Variants in SEC24D observed in about 807,000 individuals in gnomAD.
SEC24D encodes SEC24 homolog D, COPII component.
SEC24D carries 69 observed loss-of-function variants against 116.9 expected under a neutral mutation model. The ratio of observed to expected loss-of-function variants is 0.59; its 90% CI spans 0.49 to 0.72. SEC24D has a LOEUF of 0.72. SEC24D is among the 30% of genes least tolerant of loss of function. The pLI is 0.00. For missense variants in SEC24D, 1,131 were observed against 1,264.1 expected (o/e 0.89, Z 1.60); for synonymous variants, 405 against 442.8 (o/e 0.91, Z 1.07).
At chr4:118,769,423 G>C (rs762498275) in intron 8 of SEC24D, among the ~76,000 whole-genome samples, 12 of 152,122 alleles carry the variant, frequency 7.9e-5, no homozygotes, top group Non-Finnish European at 1.3e-4. Context: ...TTAAAGAAAA[G>C]CTTGAGAATT....
intron 22 of SEC24D, among the ~76,000 whole-genome samples, chr4:118,726,022 T>C (rs529199256): frequency 1.9e-4 from 29 of 152,326 alleles, no homozygotes; most frequent in African/African-American, 6.3e-4. Flanking sequence ...TAATCACTGC[T>C]TGTCACCTCC....
At chr4:118,817,450 C>T (rs1730200812) in intron 3 of SEC24D, 38 bp from the exon 4 acceptor site, 9 of 1,568,732 alleles carry the variant, frequency 5.7e-6, no homozygotes, top group Non-Finnish European at 7.8e-6. Context: ...AATATCACAG[C>T]GTCTCAAGCA....
At chr4:118,819,764 G>A (rs768315570) in intron 3 of SEC24D, among the ~76,000 whole-genome samples, 10 of 152,186 alleles carry the variant, frequency 6.6e-5, no homozygotes, top group South Asian at 2.1e-4. Flanking sequence ...ATACAGTTCT[G>A]TGAATCATTT....
intron 7 of SEC24D, among the ~76,000 whole-genome samples, chr4:118,803,372 G>A (rs1041129365): frequency 2.0e-5 from 3 of 152,048 alleles, no homozygotes; most frequent in African/African-American, 4.8e-5. Context: ...TCCCACTACC[G>A]TACTTCAGCA....
In SEC24D at chr4:118,817,336, G is replaced by A; in HGVS notation, c.325C>T (p.Pro109Ser). 1 of 1,613,960 alleles carries A rather than the reference G, an allele frequency of 6.2e-7. No homozygotes were observed. Among genetic ancestry groups the A allele is most frequent in the South Asian group, 1.1e-5 (1 of 91,062 alleles). The change falls in exon 4 of 23, where the codon CCA (proline) becomes TCA (serine). Residue 109 changes from proline (P) to serine (S), a missense_variant. Transcript: ENST00000280551. ...PYQPSAQSSY[P>S]GPISTSSVTQ... is the part of the protein sequence containing the mutation. The stretch of plus-strand genomic sequence containing the variant: ...ACAGATGAAGTGGATATAGGACCTG[G>A]ATAAGAAGATTGTGCAGAGGGTTGG...
chr4:118,727,157 T>C (rs1725458455), intron 22 of SEC24D, among the ~76,000 whole-genome samples: 1 of 152,204 alleles, frequency 6.6e-6, no homozygotes, highest in Non-Finnish European at 1.5e-5. Context: ...TCTCCCAGAT[T>C]CCTTTCAACT....
chr4:118,767,149 G>A (rs1439653670), intron 9 of SEC24D, among the ~76,000 whole-genome samples: 1 of 152,196 alleles, frequency 6.6e-6, no homozygotes. Flanking sequence ...AGAAGCACTC[G>A]CAAGGCCAGT....
intron 2 of SEC24D, among the ~76,000 whole-genome samples, chr4:118,826,320 T>C (rs1730590241): frequency 6.6e-6 from 1 of 152,174 alleles, no homozygotes; most frequent in African/African-American, 2.4e-5. Flanking sequence ...TGTAATCCCA[T>C]GTCATGGCAA....
intron 21 of SEC24D, chr4:118,729,693 A>G (rs1443484826): frequency 2.0e-5 from 3 of 152,216 alleles, no homozygotes; most frequent in Non-Finnish European, 4.4e-5. Context: ...GTTAAGACAG[A>G]GTAAAATGCT....
At chr4:118,800,331 C>T (rs1028852230) in intron 7 of SEC24D, among the ~76,000 whole-genome samples, 3 of 152,026 alleles carry the variant, frequency 2.0e-5, no homozygotes, top group South Asian at 2.1e-4. Context: ...GCGATTGTGG[C>T]GGGGTTGTGA....
At chr4:118,730,844 AT>A (rs1237792957) in intron 21 of SEC24D, 1 of 156,940 alleles carries the variant, frequency 6.4e-6, no homozygotes, top group Non-Finnish European at 1.4e-5. Context: ...CTTATGAAAG[AT>A]TTCTACATTC....
intron 11 of SEC24D, among the ~76,000 whole-genome samples, chr4:118,754,477 C>T (rs1056068137): frequency 1.3e-5 from 2 of 152,094 alleles, no homozygotes; most frequent in African/African-American, 4.8e-5. Flanking sequence ...TCTCATTGGG[C>T]TCTTAGCATA....
chr4:118,731,534 G>A, intron 20 of SEC24D, 27 bp from the exon 21 acceptor site: 1 of 1,595,952 alleles, frequency 6.3e-7, no homozygotes, highest in East Asian at 2.2e-5. Flanking sequence ...AAAAGAGTTA[G>A]AAACTCCTTT....
At chr4:118,761,765 G>A (rs1386595516) in intron 10 of SEC24D, among the ~76,000 whole-genome samples, 1 of 152,184 alleles carries the variant, frequency 6.6e-6, no homozygotes, top group Admixed American at 6.5e-5. Context: ...TTGTCAATAA[G>A]TTTGTGAAAC....
At position 118,723,666 on chromosome 4, in the gene SEC24D, A is replaced by C. The variant is rs759230116; in HGVS notation, c.2959-11T>G. 40 of 1,594,296 alleles carry C rather than the reference A, an allele frequency of 2.5e-5. No homozygotes were observed. The highest frequency in any genetic ancestry group is 1.7e-4 in the Middle Eastern group (1 of 5,962). On this transcript the variant is annotated splice_polypyrimidine_tract_variant and intron_variant, in intron 22 of 22. Coordinates refer to ENST00000280551, the MANE Select transcript of SEC24D (RefSeq NM_014822.4). The stretch of plus-strand genomic sequence containing the variant: ...CTTTACAATTGTGAGCTAGGAAAAA[A>C]AAAACAAAACAGTAACAGCCCCTGG...
At chr4:118,797,619 T>C in intron 8 of SEC24D, 64 bp downstream of exon 8, 1 of 1,279,584 alleles carries the variant, frequency 7.8e-7, no homozygotes, top group Non-Finnish European at 1.1e-6. Context: ...TATAAGAAAA[T>C]TGTGAGAAAA....
chr4:118,751,961 T>TTATTTAC, intron 13 of SEC24D, 35 bp downstream of exon 13: 1 of 1,353,088 alleles, frequency 7.4e-7, no homozygotes, highest in Non-Finnish European at 1.0e-6. Context: ...TTTTTAAAAT[T>TTATTTAC]TATTTACTAG....
intron 3 of SEC24D, among the ~76,000 whole-genome samples, chr4:118,823,186 T>G (rs1370230668): frequency 1.3e-5 from 2 of 152,188 alleles, no homozygotes; most frequent in Non-Finnish European, 2.9e-5. Context: ...GGCAGTAGTT[T>G]CAGGTCCCAA....
chr4:118,827,879 T>G (rs28665167), intron 2 of SEC24D, among the ~76,000 whole-genome samples: 2,181 of 152,234 alleles, frequency 0.014, 49 homozygotes, highest in African/African-American at 0.049. Flanking sequence ...CATCACAGAA[T>G]AGCATGCCTT....
Sources: allele counts gnomAD v4.1 joint callset (sites outside exome capture counted in the v4.1 genomes callset), GRCh38; gene constraint gnomAD v4.1.1; transcripts MANE v1.5; gene names NCBI Gene and HGNC (gene_info 2026-07-23, HGNC 2026-07-21).